Variants in DLG2 observed in about 807,000 individuals in gnomAD.
DLG2 encodes the protein discs large MAGUK scaffold protein 2, also known as disks large homolog 2.
In DLG2, 45 loss-of-function variants were observed where a neutral mutation model predicts 132.5. The observed-to-expected ratio is 0.34, with a 90% CI of 0.27 to 0.44. DLG2 has a LOEUF of 0.44. Ranked by LOEUF, DLG2 falls within the 20% of genes least tolerant of loss-of-function variation. DLG2 has a pLI of 1.00. For synonymous variants in DLG2, 424 were observed against 419.6 expected (o/e 1.01, Z -0.13); for missense variants, 1,045 against 1,196.9 (o/e 0.87, Z 1.87).
chr11:83,631,173 T>TTA (rs2063494130), intron 19 of DLG2: 1 of 149,486 alleles, frequency 6.7e-6, no homozygotes. Flanking sequence ...CTTGCTTTTT[T>TTA]TTTTTTTTTT....
At chr11:84,075,509 T>C (rs996715790) in intron 10 of DLG2, among the ~76,000 whole-genome samples, 5 of 152,196 alleles carry the variant, frequency 3.3e-5, no homozygotes, top group African/African-American at 1.2e-4. Context: ...TGGTCAGTAA[T>C]AAAATATATG....
chr11:83,790,516 C>T, intron 17 of DLG2: 1 of 1,269,788 alleles, frequency 7.9e-7, no homozygotes, highest in Non-Finnish European at 1.1e-6. Context: ...TAAACTCTTG[C>T]AACACCAGGA....
At position 84,214,503 on chromosome 11, in the gene DLG2, G is replaced by A. The variant is rs139942207; in HGVS notation, c.573+36735C>T. ...TGTTTTTATAAACAAATCCTCAAGA[G>A]TTCAACCTCAGTTTTTGTAGACCAA... On this transcript the variant is annotated intron_variant, in intron 8 of 27. Transcript: ENST00000376104. 2.1e-3 allele frequency among the ~76,000 whole-genome samples: 315 copies of A among 151,806 alleles called. 9 individuals are homozygous for A. In the East Asian group the frequency reaches 0.058, roughly 28 times the overall value.
intron 11 of DLG2, among the ~76,000 whole-genome samples, chr11:84,039,319 C>T (rs1300356549): frequency 6.7e-5 from 10 of 150,134 alleles, no homozygotes; most frequent in Non-Finnish European, 8.9e-5. Flanking sequence ...GCTGCACCCA[C>T]TAACTCGTCA....
At chr11:84,373,292 C>T (rs960672326) in intron 7 of DLG2, among the ~76,000 whole-genome samples, 2 of 92,878 alleles carry the variant, frequency 2.2e-5, no homozygotes, top group East Asian at 2.6e-4. Context: ...CCACCAGGCC[C>T]GGCACGGTGG....
chr11:83,652,410 AC>A (rs1481138395), intron 18 of DLG2, among the ~76,000 whole-genome samples: 3 of 152,144 alleles, frequency 2.0e-5, no homozygotes, highest in Admixed American at 1.3e-4. Flanking sequence ...TCGCTCTGTC[AC>A]CCAGGCTGGA....
At chr11:84,478,761 CAA>C (rs919487267) in intron 7 of DLG2, among the ~76,000 whole-genome samples, 12 of 151,872 alleles carry the variant, frequency 7.9e-5, no homozygotes, top group African/African-American at 2.4e-4. Flanking sequence ...TTTTTCAACA[CAA>C]AGTGTCAAAA....
intron 3 of DLG2, among the ~76,000 whole-genome samples, chr11:85,335,592 G>T (rs2082072086): frequency 1.3e-4 from 1 of 7,442 alleles, no homozygotes; most frequent in Non-Finnish European, 3.6e-4. Flanking sequence ...AGGACCTCTT[G>T]TAAGAGGCCT....
At chr11:84,113,238 TTATAA>T (rs1262109451) in intron 9 of DLG2, among the ~76,000 whole-genome samples, 1 of 152,164 alleles carries the variant, frequency 6.6e-6, no homozygotes, top group Non-Finnish European at 1.5e-5. Flanking sequence ...GTCCATAACT[TTATAA>T]TATTCTATGT....
chr11:85,559,563 A>C (rs1195255502), intron 3 of DLG2, among the ~76,000 whole-genome samples: 2 of 151,470 alleles, frequency 1.3e-5, no homozygotes, highest in Non-Finnish European at 2.9e-5. Flanking sequence ...AATTAAATAT[A>C]TTAAAAATTT....
chr11:83,887,326 C>T (rs897111179), intron 15 of DLG2, among the ~76,000 whole-genome samples: 17 of 151,960 alleles, frequency 1.1e-4, no homozygotes, highest in East Asian at 7.7e-4. Context: ...AACACCTCTA[C>T]GCAAATAAAC....
intron 14 of DLG2, among the ~76,000 whole-genome samples, chr11:83,938,525 G>A (rs1450969821): frequency 1.3e-5 from 2 of 152,308 alleles, no homozygotes; most frequent in Middle Eastern, 3.4e-3. Context: ...GGCAGGTCTT[G>A]AGTACAATTT....
rs1156718907 is a variant in DLG2 at position 84,616,571 on chromosome 11, T to C, written c.358-81840A>G. On this transcript the variant is annotated intron_variant, in intron 6 of 27. Transcript: ENST00000376104. Reference sequence around the variant, plus strand: ...ATAAAATCTCACAGTGATGATGTGATAAAATGAAAAGAGTCCTAAATTTTA... The same window carrying C: ...ATAAAATCTCACAGTGATGATGTGACAAAATGAAAAGAGTCCTAAATTTTA... Among the ~76,000 whole-genome samples the C allele has an allele frequency of 3.3e-5, 5 of 152,212 alleles. No homozygotes were observed. The East Asian group carries it at 9.7e-4, about 29-fold the overall frequency.
intron 3 of DLG2, among the ~76,000 whole-genome samples, chr11:85,437,490 A>T (rs1242650784): frequency 6.6e-6 from 1 of 152,196 alleles, no homozygotes; most frequent in African/African-American, 2.4e-5. Flanking sequence ...TCTACTATGT[A>T]CCCAGGGTCT....
At chr11:84,429,746 C>T (rs541815383) in intron 7 of DLG2, among the ~76,000 whole-genome samples, 1 of 152,276 alleles carries the variant, frequency 6.6e-6, no homozygotes, top group South Asian at 2.1e-4. Context: ...CAATGATAAT[C>T]ATGCTTAAAT....
chr11:84,995,965 A>G (rs1372974311), intron 6 of DLG2, among the ~76,000 whole-genome samples: 1 of 152,092 alleles, frequency 6.6e-6, no homozygotes, highest in Admixed American at 6.6e-5. Flanking sequence ...TCTAACATTT[A>G]ATCTCCTTTC....
At chr11:84,967,799 C>G (rs964411116) in intron 6 of DLG2, among the ~76,000 whole-genome samples, 10 of 152,060 alleles carry the variant, frequency 6.6e-5, no homozygotes, top group Admixed American at 2.6e-4. Flanking sequence ...AAAAATCACA[C>G]AATGAGTACA....
At chr11:84,300,693 G>A (rs2098141830) in intron 7 of DLG2, among the ~76,000 whole-genome samples, 1 of 152,078 alleles carries the variant, frequency 6.6e-6, no homozygotes, top group Admixed American at 6.6e-5. Flanking sequence ...CTTCGTAATA[G>A]AATACAGTCA....
At position 84,337,646 on chromosome 11, in the gene DLG2, T is replaced by A. The variant is rs563454892; in HGVS notation, c.520-86355A>T. ...AAAATAGTCTAAATGACTATATAAT[T>A]TGGTACCTCTGACTAGGTCTCCCAT... is the stretch of plus-strand genomic sequence containing the variant. On this transcript the variant is annotated intron_variant, in intron 7 of 27. Transcript: ENST00000376104. Among the ~76,000 whole-genome samples, 5 of 152,324 alleles carry A rather than the reference T, an allele frequency of 3.3e-5. No homozygotes were observed. The South Asian group carries it at 1.0e-3, about 32-fold the overall frequency.
Sources: allele counts gnomAD v4.1 joint callset (sites outside exome capture counted in the v4.1 genomes callset), GRCh38; gene constraint gnomAD v4.1.1; transcripts MANE v1.5; gene names NCBI Gene and HGNC (gene_info 2026-07-23, HGNC 2026-07-21).